Variants in MAPK6 observed in about 807,000 individuals in gnomAD.
MAPK6 encodes the protein ERK-3.
Under a neutral mutation model 59.3 loss-of-function variants are expected in MAPK6, and 19 were observed. The ratio of observed to expected loss-of-function variants is 0.32; its 90% CI spans 0.22 to 0.47. The LOEUF (loss-of-function observed/expected upper bound fraction) is 0.47. Among genes scored for constraint, MAPK6 ranks in the 20% least tolerant of loss-of-function variants. The probability of loss-of-function intolerance (pLI) is 1.00; values close to 1 mark genes in which losing one functional copy is unlikely to be tolerated. For synonymous variants in MAPK6, 316 were observed against 290.3 expected, an observed-to-expected ratio of 1.09 and a Z score of -0.90; for missense variants, 724 against 847.9, an observed-to-expected ratio of 0.85 and a Z score of 1.81.
At chr15:52,040,232 T>C (rs1595991797) in intron 1 of MAPK6, among the ~76,000 whole-genome samples, 1 of 152,248 alleles carries the variant, frequency 6.6e-6, no homozygotes, top group East Asian at 1.9e-4. Context: ...GAGATAGCCC[T>C]AGGTGAATAT....
chr15:51,984,886 G>A (rs941977663), intron 2 of MAPK6, among the ~76,000 whole-genome samples: 2 of 152,156 alleles, frequency 1.3e-5, no homozygotes, highest in Admixed American at 6.6e-5. Context: ...TGGGAAGACT[G>A]TCATGTTCCA....
In MAPK6 at chr15:51,986,927, C is replaced by T. The variant is rs527360220; in HGVS notation, c.-770+3612C>T. On this transcript the variant is annotated intron_variant, in intron 2 of 7. Coordinates refer to the MAPK6 transcript ENST00000691380. Reference sequence around the variant, plus strand: ...ATGAATTAGAAAGGATTAGGGACATCTATGTGCATGTTGCCAAAAGATAAT... The same window carrying T: ...ATGAATTAGAAAGGATTAGGGACATTTATGTGCATGTTGCCAAAAGATAAT... Among the ~76,000 whole-genome samples, 9 of 152,254 alleles carry T rather than the reference C, an allele frequency of 5.9e-5. No homozygotes were observed. In the South Asian group the frequency reaches 1.5e-3, roughly 25 times the overall value.
intron 3 of MAPK6, among the ~76,000 whole-genome samples, chr15:52,010,014 A>T (rs934195655): frequency 1.1e-4 from 16 of 152,146 alleles, no homozygotes; most frequent in Middle Eastern, 3.4e-3. Flanking sequence ...CTTGTGATCC[A>T]CCTGCCTCAG....
At chr15:52,022,145 G>A (rs2030559891) in intron 1 of MAPK6, among the ~76,000 whole-genome samples, 1 of 152,080 alleles carries the variant, frequency 6.6e-6, no homozygotes, top group Non-Finnish European at 1.5e-5. Context: ...GCAACATAAC[G>A]AGACCCTGTC....
intron 1 of MAPK6, among the ~76,000 whole-genome samples, chr15:52,026,203 C>T (rs2030767692): frequency 6.6e-6 from 1 of 152,212 alleles, no homozygotes; most frequent in African/African-American, 2.4e-5. Flanking sequence ...CTTGTTGGCA[C>T]TTGTTGATTA....
rs1407421829 is a variant in MAPK6, at chr15:52,066,349, A to AT, written c.*1351dup. ...GAATCACTTTGAATTATGGCCATAAATTGCTAGTCTGAAAGGCTGAGAAGG... is the reference window on the plus strand; with the variant it reads ...GAATCACTTTGAATTATGGCCATAAATTTGCTAGTCTGAAAGGCTGAGAAGG... On this transcript the variant is annotated 3_prime_UTR_variant, in exon 6 of 6. Coordinates refer to ENST00000261845, the MANE Select transcript of MAPK6 (RefSeq NM_002748.4). The AT allele has an allele frequency of 1.3e-5, 2 of 152,214 alleles. No individual in the cohort carries two copies. The highest frequency in any genetic ancestry group is 1.3e-4 in the Admixed American group (2 of 15,280). 9.4% of individuals were successfully genotyped at this position (152,214 alleles called of 1,614,324 possible). A position where few individuals can be genotyped will look rare whatever the true frequency, so the allele number is the denominator to read the frequency against.
At chr15:52,050,537 G>C (rs1486374206) in intron 3 of MAPK6, among the ~76,000 whole-genome samples, 1 of 152,162 alleles carries the variant, frequency 6.6e-6, no homozygotes, top group Admixed American at 6.5e-5. Context: ...TGTTAAGTTT[G>C]GTGCTATTTA....
chr15:52,012,998 AAAAAAAAAAAAAAAAAAAAAAAATATAT>A (rs1318408375), intron 3 of MAPK6, among the ~76,000 whole-genome samples: 19 of 15,572 alleles, frequency 1.2e-3, no homozygotes, highest in East Asian at 6.9e-3. Flanking sequence ...AAAAAAAAAA[AAAAAAAAAAAAAAAAAAAAAAAATATAT>A]ATATATATAT....
In MAPK6 at chr15:52,065,715, CTT is replaced by C. The variant is rs1176676755; in HGVS notation, c.*716_*717del. On this transcript the variant is annotated 3_prime_UTR_variant, in exon 6 of 6. Transcript: ENST00000261845. ...TCTGTATTTAATTATAAAAAATTAA[CTT>C]AGTTTTTAAAATTTATTTGCAAATA... The C allele has an allele frequency of 6.8e-6, 1 of 146,632 alleles. No individual in the cohort carries two copies. The allele number at this position is 146,632 out of a possible 1,614,324, so 9.1% of individuals were successfully genotyped here.
intron 1 of MAPK6, among the ~76,000 whole-genome samples, chr15:51,979,194 GAGAA>G (rs1417558707): frequency 2.8e-5 from 4 of 143,808 alleles, no homozygotes; most frequent in South Asian, 2.2e-4. Context: ...GGAGGGAAAA[GAGAA>G]AGAAGGAAAG....
chr15:52,051,345 C>T (rs1245650330), intron 3 of MAPK6, among the ~76,000 whole-genome samples: 4 of 152,052 alleles, frequency 2.6e-5, no homozygotes, highest in East Asian at 1.9e-4. Context: ...GCGTGAGCCA[C>T]CCCACCAGGC....
At chr15:52,036,775 CCTTT>C (rs1199450159) in intron 1 of MAPK6, among the ~76,000 whole-genome samples, 1 of 151,752 alleles carries the variant, frequency 6.6e-6, no homozygotes, top group African/African-American at 2.4e-5. Context: ...TTTTTTTCTT[CCTTT>C]CTTTCCTTCC....
At chr15:51,994,019 GGC>G (rs930404140) in intron 2 of MAPK6, among the ~76,000 whole-genome samples, 5 of 151,972 alleles carry the variant, frequency 3.3e-5, no homozygotes, top group South Asian at 2.1e-4. Flanking sequence ...GGAGTGCAAT[GGC>G]ACGATCTTGG....
intron 1 of MAPK6, among the ~76,000 whole-genome samples, chr15:52,044,064 G>A (rs919445585): frequency 1.3e-5 from 2 of 152,170 alleles, no homozygotes; most frequent in South Asian, 2.1e-4. Context: ...GTGAGCCACC[G>A]TGTCCGGCCT....
chr15:52,042,028 T>C (rs1051488535), intron 1 of MAPK6, among the ~76,000 whole-genome samples: 5 of 152,208 alleles, frequency 3.3e-5, no homozygotes, highest in African/African-American at 1.2e-4. Flanking sequence ...ACTTATCAAA[T>C]ACCAAATAAT....
chr15:51,986,472 C>T (rs1179369116), intron 2 of MAPK6, among the ~76,000 whole-genome samples: 1 of 152,070 alleles, frequency 6.6e-6, no homozygotes, highest in African/African-American at 2.4e-5. Flanking sequence ...AGCTGAGTGA[C>T]AGAATTTTGG....
chr15:51,989,841 C>T (rs1481550850), intron 2 of MAPK6, among the ~76,000 whole-genome samples: 1 of 152,130 alleles, frequency 6.6e-6, no homozygotes, highest in African/African-American at 2.4e-5. Flanking sequence ...TGGCCTCAAG[C>T]GATCCTCCCA....
chr15:52,049,101 A>G (rs1169065284), intron 2 of MAPK6, among the ~76,000 whole-genome samples: 2 of 152,192 alleles, frequency 1.3e-5, no homozygotes, highest in African/African-American at 4.8e-5. Flanking sequence ...AGTTTTGAGG[A>G]TGAAATAAGG....
intron 2 of MAPK6, among the ~76,000 whole-genome samples, chr15:51,995,106 T>C (rs1457509306): frequency 6.6e-6 from 1 of 152,108 alleles, no homozygotes; most frequent in Non-Finnish European, 1.5e-5. Context: ...GGATGTTTGC[T>C]AGGGAGTGTC....
Sources: allele counts gnomAD v4.1 joint callset (sites outside exome capture counted in the v4.1 genomes callset), GRCh38; gene constraint gnomAD v4.1.1; transcripts MANE v1.5; gene names NCBI Gene and HGNC (gene_info 2026-07-23, HGNC 2026-07-21).